Variants in ST18 observed in about 807,000 individuals in gnomAD.
The protein encoded by ST18 is ST18 C2H2C-type zinc finger transcription factor.
In ST18, 50 loss-of-function variants were observed where a neutral mutation model predicts 110.0. That is an observed-to-expected ratio of 0.45 (90% CI 0.36 to 0.58). The LOEUF (loss-of-function observed/expected upper bound fraction) is 0.58. Ranked by LOEUF, ST18 falls within the 20% of genes least tolerant of loss-of-function variation. The probability of loss-of-function intolerance (pLI) is 0.00; values close to 1 mark genes in which losing one functional copy is unlikely to be tolerated. For missense variants in ST18, 1,306 were observed against 1,280.1 expected, an observed-to-expected ratio of 1.02 and a Z score of -0.31; for synonymous variants, 461 against 452.4, an observed-to-expected ratio of 1.02 and a Z score of -0.24.
intron 2 of ST18, among the ~76,000 whole-genome samples, chr8:52,261,531 A>C (rs2094694022): frequency 6.6e-6 from 1 of 152,204 alleles, no homozygotes; most frequent in Admixed American, 6.5e-5. Context: ...CAATCTTAGC[A>C]GGATAATCAG....
At chr8:52,237,838 TAGA>T (rs2092891034) in intron 2 of ST18, among the ~76,000 whole-genome samples, 1 of 151,984 alleles carries the variant, frequency 6.6e-6, no homozygotes, top group South Asian at 2.1e-4. Context: ...CCCTTGTATC[TAGA>T]ATAAATAAAA....
At chr8:52,277,540 A>T (rs1487130862) in intron 2 of ST18, among the ~76,000 whole-genome samples, 1 of 152,234 alleles carries the variant, frequency 6.6e-6, no homozygotes, top group Non-Finnish European at 1.5e-5. Flanking sequence ...ATATCATTTT[A>T]TCTATGTTTG....
intron 3 of ST18, among the ~76,000 whole-genome samples, chr8:52,228,841 A>G (rs2090397934): frequency 6.6e-6 from 1 of 152,122 alleles, no homozygotes; most frequent in Non-Finnish European, 1.5e-5. Context: ...TCTGCAGCAG[A>G]GACCTGGCCT....
At chr8:52,339,789 C>T (rs1814006331) in intron 2 of ST18, among the ~76,000 whole-genome samples, 1 of 152,196 alleles carries the variant, frequency 6.6e-6, no homozygotes, top group African/African-American at 2.4e-5. Context: ...CATGTCACCC[C>T]TTTCCGAGTT....
At chr8:52,286,757 G>A (rs2095477704) in intron 2 of ST18, among the ~76,000 whole-genome samples, 1 of 150,566 alleles carries the variant, frequency 6.6e-6, no homozygotes, top group Non-Finnish European at 1.5e-5. Context: ...TCAAAGCAAT[G>A]GTATCTGGCT....
chr8:52,168,709 C>T (rs1009240975), intron 10 of ST18, among the ~76,000 whole-genome samples: 3 of 151,996 alleles, frequency 2.0e-5, no homozygotes, highest in Non-Finnish European at 2.9e-5. Context: ...GTGCCCGTGT[C>T]GATACTATTC....
chr8:52,301,116 T>C (rs1252945296), intron 2 of ST18, among the ~76,000 whole-genome samples: 5 of 152,218 alleles, frequency 3.3e-5, no homozygotes, highest in African/African-American at 9.6e-5. Flanking sequence ...ATGTTTAAAG[T>C]TGTCACAGAG....
intron 8 of ST18, among the ~76,000 whole-genome samples, chr8:52,185,275 A>C (rs1005896499): frequency 1.3e-5 from 2 of 152,216 alleles, no homozygotes; most frequent in Non-Finnish European, 2.9e-5. Flanking sequence ...AAGCTAGTGA[A>C]GGCCTAAATA....
intron 10 of ST18, among the ~76,000 whole-genome samples, chr8:52,167,851 T>C (rs1461224995): frequency 6.6e-6 from 1 of 152,018 alleles, no homozygotes; most frequent in Non-Finnish European, 1.5e-5. Flanking sequence ...ATTTTCTGGG[T>C]GCCTGGGGAG....
intron 17 of ST18, among the ~76,000 whole-genome samples, chr8:52,142,506 TA>T (rs1312604439): frequency 6.6e-6 from 1 of 152,164 alleles, no homozygotes; most frequent in East Asian, 1.9e-4. Context: ...CGCTAGTACA[TA>T]ACTCGTACTT....
At chr8:52,118,548 GT>G in intron 23 of ST18, 107 bp from the exon 24 acceptor site, 1 of 616,146 alleles carries the variant, frequency 1.6e-6, no homozygotes, top group Non-Finnish European at 2.7e-6. Context: ...TTCATTTAGT[GT>G]TTTTACCAAA....
chr8:52,133,615 A>G (rs901169747), intron 19 of ST18, among the ~76,000 whole-genome samples: 1 of 151,698 alleles, frequency 6.6e-6, no homozygotes, highest in African/African-American at 2.4e-5. Flanking sequence ...AACCTCATAT[A>G]GAAGGGACTT....
intron 2 of ST18, among the ~76,000 whole-genome samples, chr8:52,342,622 C>T (rs1201014178): frequency 6.6e-6 from 1 of 152,204 alleles, no homozygotes; most frequent in Non-Finnish European, 1.5e-5. Flanking sequence ...ACACAAACCT[C>T]CCAGGGGCCT....
chr8:52,346,529 C>T (rs974764054), intron 2 of ST18, among the ~76,000 whole-genome samples: 4 of 152,138 alleles, frequency 2.6e-5, no homozygotes, highest in Non-Finnish European at 5.9e-5. Context: ...AACAATGTGA[C>T]GACCCACACG....
intron 15 of ST18, among the ~76,000 whole-genome samples, chr8:52,155,527 A>T (rs1245209648): frequency 6.6e-6 from 1 of 152,118 alleles, no homozygotes; most frequent in Non-Finnish European, 1.5e-5. Context: ...CACTTGAGGG[A>T]TGCTGGTTGA....
intron 2 of ST18, among the ~76,000 whole-genome samples, chr8:52,304,038 G>A (rs2095773697): frequency 1.3e-5 from 2 of 152,112 alleles, no homozygotes; most frequent in Non-Finnish European, 2.9e-5. Context: ...CTCTAAAATA[G>A]TTTTGGAAAA....
chr8:52,301,149 T>C (rs2095714649), intron 2 of ST18, among the ~76,000 whole-genome samples: 4 of 152,194 alleles, frequency 2.6e-5, no homozygotes, highest in Admixed American at 2.6e-4. Context: ...CCCTTCAAAA[T>C]GGCCATATAT....
At chr8:52,354,736 GTGGT>G (rs1405359882) in intron 2 of ST18, among the ~76,000 whole-genome samples, 1 of 152,168 alleles carries the variant, frequency 6.6e-6, no homozygotes, top group Non-Finnish European at 1.5e-5. Context: ...TCAAGAGAGT[GTGGT>G]GTCCCTGATG....
chr8:52,353,667 G>A (rs1208189112), intron 2 of ST18, among the ~76,000 whole-genome samples: 1 of 152,148 alleles, frequency 6.6e-6, no homozygotes, highest in Non-Finnish European at 1.5e-5. Context: ...AAGAAGAACT[G>A]AAAGATAATT....
Sources: gnomAD v4.1 joint callset for allele counts (sites outside exome capture counted in the v4.1 genomes callset) on GRCh38, gnomAD v4.1.1 for gene constraint, MANE v1.5 for transcripts, NCBI Gene and HGNC (gene_info 2026-07-23, HGNC 2026-07-21) for gene names.